The following ABTB3 variants were observed in gnomAD, a reference collection of about 807,000 sequenced individuals.
ABTB3 encodes the protein ankyrin repeat- and BTB/POZ domain-containing protein 3.
chr12:107,338,908 C>G, the ABTB3 span, among the ~76,000 whole-genome samples: 1 of 152,152 alleles, frequency 6.6e-6, no homozygotes, highest in African/African-American at 2.4e-5. Context: ...TGCTCTATAG[C>G]CTTGGACTCC....
At chr12:107,335,649 C>T in the ABTB3 span, among the ~76,000 whole-genome samples, 1 of 152,172 alleles carries the variant, frequency 6.6e-6, no homozygotes, top group African/African-American at 2.4e-5. Context: ...CCTGCTCTGG[C>T]ATCCCATGAG....
At chr12:107,344,378 G>A in the ABTB3 span, among the ~76,000 whole-genome samples, 3 of 152,168 alleles carry the variant, frequency 2.0e-5, no homozygotes, top group Non-Finnish European at 4.4e-5. Flanking sequence ...GGAGAGAAGG[G>A]AAATTGGTTG....
chr12:107,526,729 C>A, the ABTB3 span, among the ~76,000 whole-genome samples: 1 of 152,124 alleles, frequency 6.6e-6, no homozygotes, highest in Non-Finnish European at 1.5e-5. Flanking sequence ...ATTAGGCAAT[C>A]AAAACAGGAC....
chr12:107,343,200 A>G, the ABTB3 span, among the ~76,000 whole-genome samples: 1 of 151,950 alleles, frequency 6.6e-6, no homozygotes, highest in South Asian at 2.1e-4. Flanking sequence ...TTTTTTATAG[A>G]AATAGGGTCT....
At chr12:107,478,236 T>TA in the ABTB3 span, among the ~76,000 whole-genome samples, 1 of 152,222 alleles carries the variant, frequency 6.6e-6, no homozygotes, top group Admixed American at 6.5e-5. Flanking sequence ...GCAGTTATTT[T>TA]AAAACTGGTG....
At chr12:107,455,223 A>G in the ABTB3 span, among the ~76,000 whole-genome samples, 36 of 152,356 alleles carry the variant, frequency 2.4e-4, no homozygotes, top group African/African-American at 6.0e-4. Context: ...ATGGTGCCAC[A>G]TTGGTGGGGA....
chr12:107,350,246 A>T, the ABTB3 span, among the ~76,000 whole-genome samples: 1 of 152,176 alleles, frequency 6.6e-6, no homozygotes, highest in African/African-American at 2.4e-5. Flanking sequence ...TTTCTCAGAT[A>T]AAATGGTAAG....
the ABTB3 span, chr12:107,319,566 T>A: frequency 6.5e-7 from 1 of 1,542,856 alleles, no homozygotes; most frequent in Non-Finnish European, 8.7e-7. Flanking sequence ...CGCTGCGGCC[T>A]CACCTTCTCC....
chr12:107,617,469 G>C, the ABTB3 span: 3 of 1,609,248 alleles, frequency 1.9e-6, no homozygotes, highest in African/African-American at 1.3e-5. Flanking sequence ...CAGAGGTCCC[G>C]AGTGGTGTTT....
the ABTB3 span, among the ~76,000 whole-genome samples, chr12:107,613,793 C>T: frequency 2.6e-5 from 4 of 152,098 alleles, no homozygotes; most frequent in Admixed American, 2.0e-4. Flanking sequence ...GGGCTGAAAT[C>T]ATAACTCGGC....
chr12:107,396,285 C>T, the ABTB3 span, among the ~76,000 whole-genome samples: 1 of 152,196 alleles, frequency 6.6e-6, no homozygotes, highest in African/African-American at 2.4e-5. Flanking sequence ...ACAGCTTCTG[C>T]CCCCACCTTC....
At chr12:107,587,012 C>T in the ABTB3 span, among the ~76,000 whole-genome samples, 1 of 152,164 alleles carries the variant, frequency 6.6e-6, no homozygotes, top group African/African-American at 2.4e-5. Flanking sequence ...TAAGTCCACA[C>T]AGTGGAAACC....
chr12:107,597,239 C>T, the ABTB3 span, among the ~76,000 whole-genome samples: 1 of 152,200 alleles, frequency 6.6e-6, no homozygotes, highest in Non-Finnish European at 1.5e-5. Context: ...CCAGGAAAGA[C>T]ATGTTTCCAT....
At chr12:107,612,797 G>A in the ABTB3 span, 2 of 1,613,592 alleles carry the variant, frequency 1.2e-6, no homozygotes, top group Admixed American at 3.3e-5. Flanking sequence ...CTCCCCTGAT[G>A]TATGCCTGCG....
the ABTB3 span, among the ~76,000 whole-genome samples, chr12:107,379,232 G>T: frequency 6.6e-6 from 1 of 152,158 alleles, no homozygotes; most frequent in African/African-American, 2.4e-5. Context: ...GGTCCTGGTT[G>T]TTGGCATTGC....
chr12:107,536,613 C>CA, the ABTB3 span, among the ~76,000 whole-genome samples: 1 of 151,964 alleles, frequency 6.6e-6, no homozygotes, highest in East Asian at 1.9e-4. Flanking sequence ...TACAAGTAGC[C>CA]AACAAGTATA....
chr12:107,446,038 A>G, the ABTB3 span, among the ~76,000 whole-genome samples: 3 of 152,018 alleles, frequency 2.0e-5, no homozygotes, highest in Non-Finnish European at 4.4e-5. Flanking sequence ...TCACATCTGC[A>G]ACCCCCTTTT....
the ABTB3 span, among the ~76,000 whole-genome samples, chr12:107,447,645 T>C: frequency 5.6e-3 from 853 of 152,336 alleles, 9 homozygotes; most frequent in African/African-American, 0.019. Flanking sequence ...ATAGCTGCAG[T>C]GCTTCCCAGC....
chr12:107,434,123 C>T, the ABTB3 span, among the ~76,000 whole-genome samples: 1 of 152,196 alleles, frequency 6.6e-6, no homozygotes, highest in East Asian at 1.9e-4. Flanking sequence ...GAACACTGAC[C>T]ACCATGGGTG....
Sources: gnomAD v4.1 joint callset for allele counts (sites outside exome capture counted in the v4.1 genomes callset) on GRCh38, gnomAD v4.1.1 for gene constraint, MANE v1.5 for transcripts, NCBI Gene and HGNC (gene_info 2026-07-23, HGNC 2026-07-21) for gene names.